The following RGS6 variants were observed in gnomAD, a reference collection of about 807,000 sequenced individuals.
The protein encoded by RGS6 is regulator of G-protein signaling 6.
A neutral mutation model predicts 78.5 loss-of-function variants in RGS6; 30 were observed. The ratio of observed to expected loss-of-function variants is 0.38; its 90% CI spans 0.29 to 0.52. RGS6 has a LOEUF of 0.52. Ranked by LOEUF, RGS6 falls within the 20% of genes least tolerant of loss-of-function variation. RGS6 has a pLI of 0.85. For missense variants in RGS6, 495 were observed against 609.7 expected, an observed-to-expected ratio of 0.81 and a Z score of 1.98; for synonymous variants, 206 against 206.0, an observed-to-expected ratio of 1.00 and a Z score of 0.00.
intron 15 of RGS6, among the ~76,000 whole-genome samples, chr14:72,532,219 G>A (rs1390794780): frequency 6.6e-6 from 1 of 152,200 alleles, no homozygotes; most frequent in Non-Finnish European, 1.5e-5. Flanking sequence ...AGCTTTTTTA[G>A]TATGATTATA....
At chr14:72,074,488 A>G (rs1284184997) in intron 2 of RGS6, among the ~76,000 whole-genome samples, 4 of 151,790 alleles carry the variant, frequency 2.6e-5, no homozygotes, top group African/African-American at 9.7e-5. Context: ...ATGAGCCACC[A>G]TGCCTGGCCA....
At chr14:71,883,432 A>C in the RGS6 span, among the ~76,000 whole-genome samples, 31 of 152,190 alleles carry the variant, frequency 2.0e-4, no homozygotes, top group African/African-American at 7.5e-4. Flanking sequence ...TGATTGCTAT[A>C]CTAAGCTGCC....
At position 72,094,612 on chromosome 14, in the gene RGS6, A is replaced by T. The variant is rs145987929; in HGVS notation, c.84+129737A>T. The stretch of plus-strand genomic sequence containing the variant: ...GATTTTTTTTAATCACCACCAACAC[A>T]TACACAAACAGAACTCCTTAGCAAT... On this transcript the variant is annotated intron_variant, in intron 2 of 17. Coordinates refer to ENST00000553525, the MANE Select transcript of RGS6 (RefSeq NM_001204424.2). Among the ~76,000 whole-genome samples, 985 of 152,334 alleles carry T rather than the reference A, an allele frequency of 6.5e-3. 4 individuals carry two copies. Among genetic ancestry groups the T allele is most frequent in the African/African-American group, 0.021 (890 of 41,568 alleles).
intron 3 of RGS6, among the ~76,000 whole-genome samples, chr14:72,424,978 T>G (rs2094372808): frequency 6.6e-6 from 1 of 152,196 alleles, no homozygotes. Flanking sequence ...CTGAGAACGG[T>G]GCCTGACATG....
In RGS6 at chr14:72,343,362, C is replaced by A. The variant is rs113324039; in HGVS notation, c.85-8733C>A. Among the ~76,000 whole-genome samples, 996 of 152,284 alleles carry A rather than the reference C, an allele frequency of 6.5e-3. 4 individuals carry two copies. The highest frequency in any genetic ancestry group is 0.01 in the Non-Finnish European group (709 of 68,022). ...CAGTAAAGTCCCATCTATCTGACCCCTTTTCCATCATCACATCTGTCTCTA... is the reference window on the plus strand; with the variant it reads ...CAGTAAAGTCCCATCTATCTGACCCATTTTCCATCATCACATCTGTCTCTA... On this transcript the variant is annotated intron_variant, in intron 2 of 17. Transcript: ENST00000553525.
intron 2 of RGS6, among the ~76,000 whole-genome samples, chr14:72,222,159 G>A (rs1017212616): frequency 2.0e-5 from 3 of 152,172 alleles, no homozygotes; most frequent in South Asian, 4.1e-4. Context: ...TTATGAATCA[G>A]CATCTCTGTC....
the RGS6 span, among the ~76,000 whole-genome samples, chr14:71,893,388 A>C: frequency 6.6e-6 from 1 of 152,238 alleles, no homozygotes; most frequent in Non-Finnish European, 1.5e-5. Flanking sequence ...TTTTGATCTC[A>C]AACTTACCCT....
intron 2 of RGS6, among the ~76,000 whole-genome samples, chr14:71,994,252 C>T (rs562872562): frequency 5.9e-5 from 9 of 152,116 alleles, no homozygotes; most frequent in African/African-American, 2.2e-4. Flanking sequence ...TCCCTCAATA[C>T]CAAGGTTAAG....
chr14:72,332,952 C>T (rs962546530), intron 2 of RGS6, among the ~76,000 whole-genome samples: 19 of 152,162 alleles, frequency 1.2e-4, no homozygotes, highest in African/African-American at 4.1e-4. Flanking sequence ...GCAGCGAAAC[C>T]CTCATGGTTA....
chr14:72,435,545 T>C (rs989407975), intron 3 of RGS6, among the ~76,000 whole-genome samples: 1 of 152,204 alleles, frequency 6.6e-6, no homozygotes, highest in African/African-American at 2.4e-5. Context: ...ATTTATCTTA[T>C]AGGTCTGGAG....
intron 2 of RGS6, among the ~76,000 whole-genome samples, chr14:71,982,058 C>T (rs564712113): frequency 1.3e-5 from 2 of 148,170 alleles, no homozygotes; most frequent in Admixed American, 1.4e-4. Flanking sequence ...TCCAGGTGCC[C>T]TCCGTCACCC....
intron 2 of RGS6, among the ~76,000 whole-genome samples, chr14:72,221,120 G>A (rs559567392): frequency 1.3e-5 from 2 of 152,242 alleles, no homozygotes; most frequent in East Asian, 3.9e-4. Context: ...TCAGATCCCA[G>A]TGTGTCCCAG....
chr14:72,544,995 T>C lies in RGS6; in HGVS notation c.1422+4901T>C, dbSNP rs111644531. On this transcript the variant is annotated intron_variant, in intron 17 of 17. Transcript: ENST00000553525. ...CTGCCCCCAGGAAGGCGGTGTTGTT[T>C]TCCCCTCCTCCTCAAGGTTTCATGG... Among the ~76,000 whole-genome samples the C allele has an allele frequency of 1.2e-3, 178 of 152,324 alleles. 3 individuals are homozygous for C. Among genetic ancestry groups the C allele is most frequent in the African/African-American group, 4.3e-3 (177 of 41,568 alleles).
At chr14:72,023,124 A>G (rs2108709) in intron 2 of RGS6, among the ~76,000 whole-genome samples, 145,792 of 152,318 alleles carry the variant, frequency 0.96, 69,827 homozygotes, top group East Asian at 0.99. Context: ...TGCCATTTCC[A>G]TGAATTTCCT....
At chr14:72,152,618 G>C (rs1185915745) in intron 2 of RGS6, among the ~76,000 whole-genome samples, 2 of 152,142 alleles carry the variant, frequency 1.3e-5, no homozygotes, top group Non-Finnish European at 2.9e-5. Context: ...AGATATGTCA[G>C]GTCAAGTACA....
intron 2 of RGS6, among the ~76,000 whole-genome samples, chr14:72,119,502 T>C (rs1051705827): frequency 3.9e-5 from 6 of 152,228 alleles, no homozygotes; most frequent in African/African-American, 1.2e-4. Context: ...GAATTTTCCA[T>C]GAATGTCCTG....
At chr14:72,467,139 T>G (rs551190963) in intron 7 of RGS6, among the ~76,000 whole-genome samples, 1 of 152,102 alleles carries the variant, frequency 6.6e-6, no homozygotes. Context: ...ATTTTTTTTT[T>G]AACTTTTGGT....
chr14:72,418,301 G>T (rs2093963806), intron 3 of RGS6, among the ~76,000 whole-genome samples: 1 of 151,952 alleles, frequency 6.6e-6, no homozygotes. Flanking sequence ...CAAGTAGCTG[G>T]GATAACAGGC....
At chr14:72,377,167 CT>C (rs1366644893) in intron 3 of RGS6, among the ~76,000 whole-genome samples, 3 of 151,982 alleles carry the variant, frequency 2.0e-5, no homozygotes, top group African/African-American at 7.3e-5. Flanking sequence ...CTCATCTCAC[CT>C]ATAAAGACAC....
Sources: allele counts gnomAD v4.1 joint callset (sites outside exome capture counted in the v4.1 genomes callset), GRCh38; gene constraint gnomAD v4.1.1; transcripts MANE v1.5; gene names NCBI Gene and HGNC (gene_info 2026-07-23, HGNC 2026-07-21).